Variants in ANAPC10 observed in about 807,000 individuals in gnomAD.
The protein encoded by ANAPC10 is anaphase promoting complex subunit 10.
ANAPC10 carries 12 observed loss-of-function variants against 22.0 expected under a neutral mutation model. The observed-to-expected ratio is 0.55, with a 90% CI of 0.35 to 0.88. The LOEUF (loss-of-function observed/expected upper bound fraction) is 0.88. ANAPC10 is among the 40% of genes least tolerant of loss of function. The pLI is 0.01. For missense variants in ANAPC10, 188 were observed against 220.9 expected (o/e 0.85, Z 0.94); for synonymous variants, 65 against 69.5 (o/e 0.94, Z 0.32).
intron 4 of ANAPC10, among the ~76,000 whole-genome samples, chr4:144,997,387 T>C (rs1031267277): frequency 6.6e-6 from 1 of 152,118 alleles, no homozygotes; most frequent in Non-Finnish European, 1.5e-5. Flanking sequence ...ATAGCAGATC[T>C]CTCACCAGAA....
intron 4 of ANAPC10, chr4:145,053,780 G>T (rs1741477768): frequency 4.6e-6 from 3 of 647,344 alleles, no homozygotes; most frequent in Non-Finnish European, 5.5e-6. Flanking sequence ...AAAACATGAG[G>T]CTGAAAAAAA....
chr4:145,064,339 A>G, intron 4 of ANAPC10: 1 of 315,320 alleles, frequency 3.2e-6, no homozygotes. Context: ...TCACTGTACA[A>G]TTCTTTGAGT....
At chr4:145,077,988 C>T (rs936237179) in intron 3 of ANAPC10, among the ~76,000 whole-genome samples, 1 of 152,164 alleles carries the variant, frequency 6.6e-6, no homozygotes, top group Non-Finnish European at 1.5e-5. Context: ...ACTCTCACCA[C>T]TTCTATTCAA....
At chr4:145,073,275 T>C (rs1410078708) in intron 3 of ANAPC10, among the ~76,000 whole-genome samples, 2 of 152,224 alleles carry the variant, frequency 1.3e-5, no homozygotes, top group Non-Finnish European at 1.5e-5. Context: ...CAATAAAGTA[T>C]TCTATAATTG....
At chr4:145,001,246 G>C (rs955686131) in intron 4 of ANAPC10, among the ~76,000 whole-genome samples, 3 of 137,854 alleles carry the variant, frequency 2.2e-5, no homozygotes, top group Non-Finnish European at 3.2e-5. Flanking sequence ...GAGTGAGGGA[G>C]GGAGGGAGGG....
chr4:145,083,847 T>C (rs533413589), intron 2 of ANAPC10, among the ~76,000 whole-genome samples: 3 of 152,328 alleles, frequency 2.0e-5, no homozygotes, highest in Admixed American at 6.5e-5. Context: ...ACTCACCTGA[T>C]AGATTAAAAA....
chr4:145,095,088 G>A (rs1347927738), intron 2 of ANAPC10, among the ~76,000 whole-genome samples: 1 of 152,120 alleles, frequency 6.6e-6, no homozygotes, highest in Admixed American at 6.5e-5. Flanking sequence ...GAATAGTAAA[G>A]AAATTGGACA....
intron 4 of ANAPC10, among the ~76,000 whole-genome samples, chr4:145,003,974 T>C (rs1199735380): frequency 6.6e-6 from 1 of 152,184 alleles, no homozygotes; most frequent in Non-Finnish European, 1.5e-5. Flanking sequence ...TCCATGAGCC[T>C]GGAAGGTTTT....
chr4:145,079,197 C>T (rs1196871031), intron 3 of ANAPC10, among the ~76,000 whole-genome samples: 1 of 152,002 alleles, frequency 6.6e-6, no homozygotes, highest in African/African-American at 2.4e-5. Flanking sequence ...AAAAGCAACT[C>T]TATTAAAAAA....
At chr4:145,020,595 C>T (rs548201450) in intron 4 of ANAPC10, among the ~76,000 whole-genome samples, 77 of 151,950 alleles carry the variant, frequency 5.1e-4, no homozygotes, top group African/African-American at 1.8e-3. Flanking sequence ...ATCAAACAAG[C>T]GAAAGAAATA....
At chr4:145,062,331 G>A (rs1440978631) in intron 4 of ANAPC10, among the ~76,000 whole-genome samples, 2 of 152,126 alleles carry the variant, frequency 1.3e-5, no homozygotes, top group Non-Finnish European at 2.9e-5. Context: ...TAAGGGCTGG[G>A]CATGGTGGCT....
chr4:145,011,115 C>T (rs1156885401), intron 4 of ANAPC10, among the ~76,000 whole-genome samples: 1 of 151,714 alleles, frequency 6.6e-6, no homozygotes, highest in Non-Finnish European at 1.5e-5. Flanking sequence ...GTGGATCACC[C>T]GAGGTCAGGA....
intron 4 of ANAPC10, among the ~76,000 whole-genome samples, chr4:145,008,118 C>A (rs1733709277): frequency 6.6e-6 from 1 of 152,072 alleles, no homozygotes. Flanking sequence ...CACATACACC[C>A]TCCCAAGACT....
chr4:145,026,561 C>A (rs991096407), intron 4 of ANAPC10, among the ~76,000 whole-genome samples: 1 of 151,810 alleles, frequency 6.6e-6, no homozygotes, highest in Non-Finnish European at 1.5e-5. Context: ...ACTGGCTACA[C>A]TATAGGAGGC....
upstream of ANAPC10, chr4:145,098,253 A>T (rs766797098): frequency 4.6e-5 from 7 of 152,270 alleles, no homozygotes; most frequent in Admixed American, 6.5e-5. Context: ...GTTCCGCCTC[A>T]CGCTCTATGT....
chr4:144,997,278 C>T (rs1049545260), intron 4 of ANAPC10, among the ~76,000 whole-genome samples: 1 of 152,146 alleles, frequency 6.6e-6, no homozygotes, highest in Non-Finnish European at 1.5e-5. Flanking sequence ...CACCAAGATA[C>T]ATACTTGTCA....
At chr4:144,997,680 C>A (rs1731834385) in intron 4 of ANAPC10, among the ~76,000 whole-genome samples, 3 of 152,102 alleles carry the variant, frequency 2.0e-5, no homozygotes, top group Non-Finnish European at 4.4e-5. Flanking sequence ...AACTAAGGAG[C>A]AAAATAACCA....
intron 4 of ANAPC10, among the ~76,000 whole-genome samples, chr4:145,028,388 G>A (rs2127037016): frequency 6.6e-6 from 1 of 152,184 alleles, no homozygotes; most frequent in Admixed American, 6.5e-5. Context: ...TTGAGACTTG[G>A]GCTGGTTCTC....
intron 4 of ANAPC10, among the ~76,000 whole-genome samples, chr4:145,024,769 T>TA (rs1361355596): frequency 1.3e-5 from 2 of 152,154 alleles, no homozygotes; most frequent in East Asian, 3.8e-4. Context: ...GCCTTCAACT[T>TA]AAAGTCACCA....
Sources: gnomAD v4.1 joint callset for allele counts (sites outside exome capture counted in the v4.1 genomes callset) on GRCh38, gnomAD v4.1.1 for gene constraint, MANE v1.5 for transcripts, NCBI Gene and HGNC (gene_info 2026-07-23, HGNC 2026-07-21) for gene names.